The following FAM227B variants were observed in gnomAD, a reference collection of about 807,000 sequenced individuals.
The protein encoded by FAM227B is protein FAM227B.
FAM227B carries 88 observed loss-of-function variants against 73.8 expected under a neutral mutation model. That is an observed-to-expected ratio of 1.19 (90% CI 1.00 to 1.42). The LOEUF (loss-of-function observed/expected upper bound fraction) is 1.42. FAM227B is among the 40% of genes most tolerant of loss of function. FAM227B has a pLI of 0.00. For missense variants in FAM227B, 632 were observed against 590.9 expected, an observed-to-expected ratio of 1.07 and a Z score of -0.72; for synonymous variants, 210 against 190.5, an observed-to-expected ratio of 1.10 and a Z score of -0.84.
intron 11 of FAM227B, among the ~76,000 whole-genome samples, chr15:49,480,943 A>G (rs1406951720): frequency 6.6e-6 from 1 of 152,226 alleles, no homozygotes; most frequent in Non-Finnish European, 1.5e-5. Flanking sequence ...ATCAGTCAAC[A>G]TTTATGTTTT....
intron 11 of FAM227B, among the ~76,000 whole-genome samples, chr15:49,453,223 G>A (rs17479003): frequency 0.18 from 26,611 of 151,386 alleles, 2,604 homozygotes; most frequent in Non-Finnish European, 0.22. Context: ...AATCTAATAC[G>A]TCATTTCAAC....
intron 11 of FAM227B, among the ~76,000 whole-genome samples, chr15:49,461,835 A>G (rs188209466): frequency 4.6e-5 from 7 of 152,318 alleles, no homozygotes; most frequent in Admixed American, 2.0e-4. Flanking sequence ...CTCTATCTAC[A>G]TATGGTTACT....
At chr15:49,402,010 GAAA>G (rs561471741) in intron 11 of FAM227B, among the ~76,000 whole-genome samples, 8 of 149,360 alleles carry the variant, frequency 5.4e-5, no homozygotes, top group Non-Finnish European at 8.9e-5. Context: ...ATAAAAAGAA[GAAA>G]AAAAAAATCT....
intron 11 of FAM227B, among the ~76,000 whole-genome samples, chr15:49,395,643 G>A (rs191772169): frequency 9.2e-5 from 14 of 152,306 alleles, no homozygotes; most frequent in African/African-American, 3.4e-4. Flanking sequence ...TTTTACCACA[G>A]GATATTTGCT....
At chr15:49,506,304 T>C (rs1165820375) in intron 11 of FAM227B, among the ~76,000 whole-genome samples, 1 of 152,064 alleles carries the variant, frequency 6.6e-6, no homozygotes, top group Non-Finnish European at 1.5e-5. Context: ...ATATTCTTTA[T>C]TTTGTTTTAC....
chr15:49,335,880 T>G (rs1208456397), intron 13 of FAM227B, among the ~76,000 whole-genome samples: 1 of 152,142 alleles, frequency 6.6e-6, no homozygotes, highest in Non-Finnish European at 1.5e-5. Flanking sequence ...CGAGACAGGG[T>G]CTTGCTTTGT....
chr15:49,600,437 C>T (rs1038693949), intron 3 of FAM227B, among the ~76,000 whole-genome samples: 1 of 151,042 alleles, frequency 6.6e-6, no homozygotes, highest in African/African-American at 2.4e-5. Flanking sequence ...GTGGGTCACC[C>T]GAGGTTAGGA....
intron 12 of FAM227B, 197 bp from the exon 13 acceptor site, chr15:49,367,805 CTCTTT>C: frequency 3.0e-6 from 1 of 338,452 alleles, no homozygotes; most frequent in Non-Finnish European, 5.2e-6. Flanking sequence ...GGCTCTTCTA[CTCTTT>C]TGAGTTATCA....
intron 11 of FAM227B, among the ~76,000 whole-genome samples, chr15:49,472,897 C>G (rs1207276257): frequency 7.0e-6 from 1 of 143,522 alleles, no homozygotes; most frequent in African/African-American, 2.4e-5. Context: ...AAAGGAGTAT[C>G]TAATTTTTTG....
chr15:49,502,606 A>C (rs1394488544), intron 11 of FAM227B, among the ~76,000 whole-genome samples: 1 of 152,240 alleles, frequency 6.6e-6, no homozygotes, highest in Non-Finnish European at 1.5e-5. Context: ...TTACAGGCTC[A>C]TAGGCGGAAG....
intron 3 of FAM227B, among the ~76,000 whole-genome samples, chr15:49,591,548 C>T (rs1367882715): frequency 3.7e-5 from 5 of 136,000 alleles, no homozygotes; most frequent in African/African-American, 1.4e-4. Flanking sequence ...TGCAGTGGCA[C>T]GATCTTGGCT....
intron 11 of FAM227B, among the ~76,000 whole-genome samples, chr15:49,451,473 A>C (rs930763068): frequency 1.3e-5 from 2 of 152,078 alleles, no homozygotes; most frequent in African/African-American, 4.8e-5. Flanking sequence ...GCTTAAATCT[A>C]TATGTATATA....
intron 11 of FAM227B, chr15:49,422,543 G>T: frequency 7.5e-7 from 1 of 1,338,120 alleles, no homozygotes; most frequent in Non-Finnish European, 9.7e-7. Flanking sequence ...TATTAGTAGT[G>T]AGTATAAGTC....
chr15:49,453,043 T>C (rs2052915209), intron 11 of FAM227B, among the ~76,000 whole-genome samples: 1 of 152,116 alleles, frequency 6.6e-6, no homozygotes, highest in Non-Finnish European at 1.5e-5. Flanking sequence ...CTTTTCTCCT[T>C]TCTCTTACCA....
At chr15:49,357,995 T>G (rs558600666) in intron 13 of FAM227B, among the ~76,000 whole-genome samples, 1 of 152,156 alleles carries the variant, frequency 6.6e-6, no homozygotes, top group Admixed American at 6.5e-5. Flanking sequence ...ACCACATGAT[T>G]ATCTCAATAG....
intron 11 of FAM227B, among the ~76,000 whole-genome samples, chr15:49,456,900 A>G (rs886593479): frequency 1.3e-5 from 2 of 152,128 alleles, no homozygotes; most frequent in Non-Finnish European, 2.9e-5. Context: ...TGTTAAGTGC[A>G]TTACAATTCA....
At chr15:49,378,095 G>C (rs904641394) in intron 11 of FAM227B, among the ~76,000 whole-genome samples, 1 of 152,134 alleles carries the variant, frequency 6.6e-6, no homozygotes, top group South Asian at 2.1e-4. Flanking sequence ...AGTTTTCTCA[G>C]CATCACTTGT....
intron 3 of FAM227B, among the ~76,000 whole-genome samples, chr15:49,593,127 AC>A (rs1181647369): frequency 6.6e-6 from 1 of 151,682 alleles, no homozygotes; most frequent in Admixed American, 6.6e-5. Flanking sequence ...AAATTCCCTG[AC>A]CCCTTGCGCT....
In FAM227B at chr15:49,335,444, C is replaced by A; in HGVS notation, c.1324G>T (p.Ala442Ser). 6.2e-7 allele frequency: 1 copy of A among 1,613,236 alleles called. No homozygotes were observed. The highest frequency in any genetic ancestry group is 8.5e-7 in the Non-Finnish European group (1 of 1,179,242). ...ATCCTAAAATCCTTTTGGTTCCTTG[C>A]AAATTGTCTTTTTGCCTCCTTTATA... ...DVIKEAKRQFARNQKDFRILQ... is the reference protein window; with the variant it reads ...DVIKEAKRQFSRNQKDFRILQ... The change falls in exon 14 of 16, where the codon GCA becomes TCA. Residue 442 changes from alanine to serine, a missense_variant. Ala to Ser is a moderately conservative substitution (Grantham distance 99). Coordinates refer to ENST00000299338, the MANE Select transcript of FAM227B (RefSeq NM_152647.3).
Sources: gnomAD v4.1 joint callset for allele counts (sites outside exome capture counted in the v4.1 genomes callset) on GRCh38, gnomAD v4.1.1 for gene constraint, MANE v1.5 for transcripts, NCBI Gene and HGNC (gene_info 2026-07-23, HGNC 2026-07-21) for gene names.